The following SLC35E4 variants were observed in gnomAD, a reference collection of about 807,000 sequenced individuals.
SLC35E4 encodes solute carrier family 35 member E4.
In SLC35E4, 15 loss-of-function variants were observed where a neutral mutation model predicts 19.3. The observed-to-expected ratio is 0.78, with a 90% CI of 0.52 to 1.20. The LOEUF (loss-of-function observed/expected upper bound fraction) is 1.20. Among genes scored for constraint, SLC35E4 ranks in the 50% most tolerant of loss-of-function variants. The pLI is 0.00. For missense variants in SLC35E4, 406 were observed against 472.3 expected (o/e 0.86, Z 1.30); for synonymous variants, 219 against 219.9 (o/e 1.00, Z 0.04).
At chr22:30,657,458 C>CA (rs35221023) in intron 2 of SLC35E4, among the ~76,000 whole-genome samples, 35 of 140,774 alleles carry the variant, frequency 2.5e-4, no homozygotes, top group Admixed American at 6.4e-4. Flanking sequence ...GACTCTGTCT[C>CA]AAAAAAAAAA....
intron 1 of SLC35E4, among the ~76,000 whole-genome samples, chr22:30,644,346 G>A (rs1423152901): frequency 2.6e-5 from 4 of 152,208 alleles, no homozygotes; most frequent in Non-Finnish European, 5.9e-5. Context: ...GTCAGAAAAT[G>A]CATAGAGGCT....
chr22:30,667,042 A>T (rs2145632437), downstream of SLC35E4: 1 of 152,334 alleles, frequency 6.6e-6, no homozygotes, highest in Middle Eastern at 3.4e-3. Context: ...GTTTAGCTTG[A>T]GAGGGAGGAG....
rs529437003 is a variant in SLC35E4, at chr22:30,659,952, G to A, written c.*9-2108G>A. 8.3e-4 allele frequency among the ~76,000 whole-genome samples: 127 copies of A among 152,332 alleles called. 1 individual carries two copies. The highest frequency in any genetic ancestry group is 3.0e-3 in the African/African-American group (124 of 41,574). ...GGAGGGGCACACGTAGAAAGCACCA[G>A]AATGTGGGCAGCTTCTACAGAGAAA... On this transcript the variant is annotated intron_variant, in intron 2 of 2. Coordinates refer to the SLC35E4 transcript ENST00000406566.
At position 30,647,109 on chromosome 22, in the gene SLC35E4, A is replaced by G; in HGVS notation, c.*78A>G. 6.8e-7 allele frequency: 1 copy of G among 1,470,898 alleles called. No individual in the cohort carries two copies. Among genetic ancestry groups the G allele is most frequent in the East Asian group, 2.3e-5 (1 of 42,918 alleles). The allele number at this position is 1,470,898 out of a possible 1,614,324, so 91.1% of individuals were successfully genotyped here. ...TCCGCTGTGGCCATAGAAGGAATGG[A>G]GAACAGGGCTGGGCATGGTGGCTCA... On this transcript the variant is annotated 3_prime_UTR_variant, in exon 2 of 2. Transcript: ENST00000343605.
chr22:30,665,866 T>C (rs149994454), downstream of SLC35E4, among the ~76,000 whole-genome samples: 3 of 151,774 alleles, frequency 2.0e-5, no homozygotes, highest in African/African-American at 4.8e-5. Context: ...CAGCTATGAC[T>C]CTGCCTTCTG....
chr22:30,649,708 G>A (rs1363090519), downstream of SLC35E4, among the ~76,000 whole-genome samples: 2 of 149,694 alleles, frequency 1.3e-5, 1 homozygote, highest in African/African-American at 5.0e-5. Flanking sequence ...AGGATGGAGG[G>A]ATGGATGGCT....
Position 30,646,998 on chromosome 22 carries a change from G to A in SLC35E4, c.1020G>A (p.Leu340=), listed in dbSNP as rs948409489. The A allele has an allele frequency of 2.5e-6, 4 of 1,611,178 alleles. No individual in the cohort carries two copies. The highest frequency in any genetic ancestry group is 2.2e-5 in the East Asian group (1 of 44,874). The change falls in exon 2 of 2, where the codon CTG becomes CTA. Residue 340 remains leucine (L), a synonymous_variant. Transcript: ENST00000343605. ...FVASWAARRG[L]WRRDQPSKGL is the part of the protein sequence containing the mutation. ...CCTCCTGGGCTGCCCGTCGGGGGCTGTGGCGGAGGGACCAGCCCAGCAAGG... is the reference window on the plus strand; with the variant it reads ...CCTCCTGGGCTGCCCGTCGGGGGCTATGGCGGAGGGACCAGCCCAGCAAGG...
chr22:30,667,231 G>C (rs1386984602), downstream of SLC35E4: 1 of 152,216 alleles, frequency 6.6e-6, no homozygotes, highest in Admixed American at 6.5e-5. Flanking sequence ...GACTTGTTCA[G>C]AACGAGTCAT....
intron 1 of SLC35E4, among the ~76,000 whole-genome samples, chr22:30,644,565 C>A (rs1043026873): frequency 3.9e-5 from 6 of 152,122 alleles, no homozygotes; most frequent in South Asian, 4.1e-4. Flanking sequence ...AACCAGATGA[C>A]GAAACCCCAT....
In SLC35E4 at chr22:30,647,254, T is replaced by C; in HGVS notation, c.*223T>C. On this transcript the variant is annotated 3_prime_UTR_variant, in exon 2 of 2. Transcript: ENST00000343605. ...CTCTACTAAAAATAGAAAAATTAGC[T>C]GGGCATGGTGGCGCGTGCCTATAGT... The C allele has an allele frequency of 1.7e-6, 1 of 576,732 alleles. No individual in the cohort carries two copies. Among genetic ancestry groups the C allele is most frequent in the Non-Finnish European group, 3.0e-6 (1 of 333,002 alleles). 35.7% of individuals were successfully genotyped at this position (576,732 alleles called of 1,614,324 possible). A position where few individuals can be genotyped will look rare whatever the true frequency, so the allele number is the denominator to read the frequency against.
intron 2 of SLC35E4, among the ~76,000 whole-genome samples, chr22:30,659,240 C>A (rs530727256): frequency 1.3e-5 from 2 of 151,986 alleles, no homozygotes; most frequent in Non-Finnish European, 2.9e-5. Flanking sequence ...AAACAAAAAC[C>A]TGACATTTTC....
intron 1 of SLC35E4, 141 bp downstream of exon 1, chr22:30,637,210 G>T: frequency 7.8e-7 from 1 of 1,277,180 alleles, no homozygotes; most frequent in Non-Finnish European, 1.1e-6. Flanking sequence ...GCAGAACTGA[G>T]GCTCAGAGAG....
At chr22:30,642,456 G>T (rs987042617) in intron 1 of SLC35E4, among the ~76,000 whole-genome samples, 2 of 152,136 alleles carry the variant, frequency 1.3e-5, no homozygotes, top group Non-Finnish European at 2.9e-5. Flanking sequence ...CCAGAAAGAA[G>T]GCTGGGCATG....
chr22:30,660,015 C>A (rs2145601777), intron 2 of SLC35E4, among the ~76,000 whole-genome samples: 1 of 152,316 alleles, frequency 6.6e-6, no homozygotes. Flanking sequence ...AAACAGGGTC[C>A]TCTACCCTGC....
At chr22:30,663,576 G>A, downstream of SLC35E4, 1 of 1,614,232 alleles carries the variant, frequency 6.2e-7, no homozygotes, top group Non-Finnish European at 8.5e-7. Flanking sequence ...GCCGCTGTTG[G>A]GTCGGATGAT....
At chr22:30,650,353 G>A (rs1011707233), downstream of SLC35E4, among the ~76,000 whole-genome samples, 9 of 151,630 alleles carry the variant, frequency 5.9e-5, no homozygotes, top group East Asian at 1.4e-3. Flanking sequence ...AAAATTAGAC[G>A]GACATGGTGG....
chr22:30,636,762 C>T lies in SLC35E4; in HGVS notation c.312C>T (p.Gly104=), dbSNP rs1461187203. 5 of 1,611,932 alleles carry T rather than the reference C, an allele frequency of 3.1e-6. No homozygotes were observed. Among genetic ancestry groups the T allele is most frequent in the African/African-American group, 1.3e-5 (1 of 74,916 alleles). ...GGGGGGCACGGCGCCCCATGCCAGG[C>T]GGCACTCGCTGCCGAGTCCTACTGC... is the stretch of plus-strand genomic sequence containing the variant. ...CHRGARRPMP[G]GTRCRVLLLS... The change falls in exon 1 of 2, where the codon GGC becomes GGT. Residue 104 remains glycine, a synonymous_variant. Transcript: ENST00000343605.
chr22:30,663,990 G>A (rs779902558), downstream of SLC35E4: 19 of 1,612,788 alleles, frequency 1.2e-5, no homozygotes, highest in East Asian at 2.9e-4. Flanking sequence ...GAAGGCACAC[G>A]AGGGTGCTGT....
At chr22:30,656,555 T>A (rs1386231764) in intron 2 of SLC35E4, among the ~76,000 whole-genome samples, 1 of 152,208 alleles carries the variant, frequency 6.6e-6, no homozygotes, top group East Asian at 1.9e-4. Context: ...AAAAGAGGCC[T>A]AGAATCCCTG....
Sources: allele counts gnomAD v4.1 joint callset (sites outside exome capture counted in the v4.1 genomes callset), GRCh38; gene constraint gnomAD v4.1.1; transcripts MANE v1.5; gene names NCBI Gene and HGNC (gene_info 2026-07-23, HGNC 2026-07-21).